Variants in ABCB5 observed in about 807,000 individuals in gnomAD.
ABCB5 encodes the protein ATP-binding cassette sub-family B member 5.
Under a neutral mutation model 144.2 loss-of-function variants are expected in ABCB5, and 155 were observed. The observed-to-expected ratio is 1.08, with a 90% CI of 0.94 to 1.23. ABCB5 has a LOEUF of 1.23. Among genes scored for constraint, ABCB5 ranks in the 50% most tolerant of loss-of-function variants. The pLI, the probability that ABCB5 is intolerant of heterozygous loss-of-function variation, is 0.00. For synonymous variants in ABCB5, 610 were observed against 528.6 expected (o/e 1.15, Z -2.11); for missense variants, 1,830 against 1,520.8 (o/e 1.20, Z -3.38).
At chr7:20,702,701 G>A (rs1234232959) in intron 19 of ABCB5, among the ~76,000 whole-genome samples, 6 of 128,034 alleles carry the variant, frequency 4.7e-5, no homozygotes, top group Non-Finnish European at 9.3e-5. Context: ...TCGCTCTGTC[G>A]CCCAGGCTGG....
chr7:20,687,681 C>G (rs1261335007), intron 16 of ABCB5, among the ~76,000 whole-genome samples: 4 of 152,164 alleles, frequency 2.6e-5, no homozygotes, highest in Non-Finnish European at 5.9e-5. Flanking sequence ...CTCTTTCAGA[C>G]TGTGGTAATC....
chr7:20,698,738 G>T (rs1211570937), intron 17 of ABCB5, among the ~76,000 whole-genome samples, 188 bp downstream of exon 17: 1 of 152,198 alleles, frequency 6.6e-6, no homozygotes, highest in Non-Finnish European at 1.5e-5. Flanking sequence ...CTTGTAAAGT[G>T]TGTGGCCGGG....
chr7:20,629,077 TAGTC>T (rs899610035), intron 4 of ABCB5, among the ~76,000 whole-genome samples: 8 of 151,122 alleles, frequency 5.3e-5, no homozygotes, highest in African/African-American at 1.7e-4. Flanking sequence ...AATCCCCTAT[TAGTC>T]AGGGTTCTCC....
chr7:20,639,359 A>C (rs1211263804), intron 5 of ABCB5, among the ~76,000 whole-genome samples: 1 of 152,126 alleles, frequency 6.6e-6, no homozygotes, highest in Non-Finnish European at 1.5e-5. Context: ...ACTTCGGTAA[A>C]GTTCAGTTCA....
rs867855026 is a variant in ABCB5, at chr7:20,753,481, C to T, written c.3551C>T (p.Ser1184Leu). 2 of 1,613,866 alleles carry T rather than the reference C, an allele frequency of 1.2e-6. No individual in the cohort carries two copies. Among genetic ancestry groups the T allele is most frequent in the East Asian group, 2.2e-5 (1 of 44,874 alleles). ...PKILLLDEAT[S>L]ALDNDSEKVV... Reference sequence around the variant, plus strand: ...ATTTTATTGTTGGATGAGGCCACTTCAGCCCTCGATAATGACAGTGAGAAG... The same window carrying T: ...ATTTTATTGTTGGATGAGGCCACTTTAGCCCTCGATAATGACAGTGAGAAG... The change falls in exon 27 of 28, where the codon TCA becomes TTA. Residue 1184 changes from serine (S) to leucine (L), a missense_variant. By Grantham distance (145) the Ser-to-Leu change is moderately radical (BLOSUM62 -2). Transcript: ENST00000404938.
chr7:20,669,330 G>T (rs1468711464), intron 14 of ABCB5, among the ~76,000 whole-genome samples: 6 of 147,124 alleles, frequency 4.1e-5, no homozygotes, highest in Admixed American at 2.0e-4. Context: ...ATGGTTGCCG[G>T]GTCTGTGTGG....
intron 20 of ABCB5, among the ~76,000 whole-genome samples, chr7:20,722,049 G>A (rs553426897): frequency 6.6e-6 from 1 of 152,128 alleles, no homozygotes; most frequent in Non-Finnish European, 1.5e-5. Context: ...CCTAGCAAAT[G>A]TGATTACAAC....
chr7:20,707,941 C>A (rs1786875362), intron 20 of ABCB5, among the ~76,000 whole-genome samples: 1 of 151,390 alleles, frequency 6.6e-6, no homozygotes, highest in Admixed American at 6.6e-5. Context: ...GTAGCTGGGA[C>A]TACAGGTGCC....
intron 15 of ABCB5, 43 bp downstream of exon 15, chr7:20,681,709 G>A (rs201258999): frequency 2.0e-4 from 314 of 1,589,420 alleles, no homozygotes; most frequent in Admixed American, 6.1e-4. Flanking sequence ...AGGGTTTAAC[G>A]TTTCAGAGAT....
At chr7:20,687,945 A>G (rs1300390998) in intron 16 of ABCB5, among the ~76,000 whole-genome samples, 2 of 152,102 alleles carry the variant, frequency 1.3e-5, no homozygotes, top group East Asian at 1.9e-4. Flanking sequence ...TAATCCCAGC[A>G]CTTTGGGAGG....
intron 5 of ABCB5, among the ~76,000 whole-genome samples, chr7:20,638,489 A>C (rs1042804379): frequency 1.3e-5 from 2 of 152,180 alleles, no homozygotes; most frequent in African/African-American, 2.4e-5. Context: ...ATCCTCCTAC[A>C]AAGATCTTCA....
At chr7:20,629,128 AAGAG>A (rs145593793) in intron 4 of ABCB5, among the ~76,000 whole-genome samples, 73 of 127,038 alleles carry the variant, frequency 5.7e-4, no homozygotes, top group Middle Eastern at 3.9e-3. Context: ...GTTAGAAACA[AAGAG>A]AGAGAGAGAC....
chr7:20,643,616 C>T lies in ABCB5; in HGVS notation c.662C>T (p.Ala221Val), dbSNP rs530929710. Residue 221 changes from alanine to valine, a missense_variant, in exon 7 of 28, where the codon GCG becomes GTG. Ala to Val is a moderately conservative substitution (Grantham distance 64). Transcript: ENST00000404938. ...LSTSPLIMASAAACSRMVISL... is the reference protein window; with the variant it reads ...LSTSPLIMASVAACSRMVISL... ...ACGTCTCCTCTTATAATGGCTTCAG[C>T]GGCAGCATGTTCTAGGGTAAGTGAG... 7.6e-5 allele frequency: 123 copies of T among 1,613,872 alleles called. No homozygotes were observed. The highest frequency in any genetic ancestry group is 6.7e-4 in the East Asian group (30 of 44,880).
At chr7:20,689,449 T>C (rs1007219669) in intron 16 of ABCB5, among the ~76,000 whole-genome samples, 17 of 152,180 alleles carry the variant, frequency 1.1e-4, no homozygotes, top group African/African-American at 3.1e-4. Context: ...TGAGCACTAC[T>C]GGAACAAGAA....
At chr7:20,632,293 T>C (rs1326195620) in intron 5 of ABCB5, among the ~76,000 whole-genome samples, 180 bp downstream of exon 5, 1 of 152,184 alleles carries the variant, frequency 6.6e-6, no homozygotes, top group Non-Finnish European at 1.5e-5. Flanking sequence ...TTTTTTCTTC[T>C]ACTTGAAAGG....
intron 14 of ABCB5, among the ~76,000 whole-genome samples, chr7:20,680,518 C>G (rs938549468): frequency 6.7e-6 from 1 of 149,888 alleles, no homozygotes; most frequent in Non-Finnish European, 1.5e-5. Context: ...TGCAGTGAGC[C>G]GAGATTGCGC....
chr7:20,655,119 A>G (rs779335621), intron 13 of ABCB5, among the ~76,000 whole-genome samples: 6 of 152,052 alleles, frequency 3.9e-5, no homozygotes, highest in Non-Finnish European at 5.9e-5. Context: ...GGCCAGTATC[A>G]GGAATGAAAG....
chr7:20,711,442 GT>G (rs1300748062), intron 20 of ABCB5, among the ~76,000 whole-genome samples: 1 of 142,320 alleles, frequency 7.0e-6, no homozygotes, highest in Non-Finnish European at 1.5e-5. Flanking sequence ...GAGGTTGACA[GT>G]TTTTTCTTTC....
Position 20,728,446 on chromosome 7 carries a change from G to C in ABCB5, c.2858G>C (p.Gly953Ala). 5 of 1,614,024 alleles carry C rather than the reference G, an allele frequency of 3.1e-6. No individual in the cohort carries two copies. The highest frequency in any genetic ancestry group is 4.2e-6 in the Non-Finnish European group (5 of 1,179,958). ...LIQAGRMTPE[G>A]MFIVFTAIAY... is the part of the protein sequence containing the mutation. ...CAAGCTGGACGAATGACCCCAGAGGGCATGTTCATGTAAGTCGTGGAAATA... is the reference window on the plus strand; with the variant it reads ...CAAGCTGGACGAATGACCCCAGAGGCCATGTTCATGTAAGTCGTGGAAATA... The change falls in exon 23 of 28, where the codon GGC (glycine) becomes GCC (alanine). Residue 953 changes from glycine (G) to alanine (A), a missense_variant. By Grantham distance (60) the Gly-to-Ala change is moderately conservative. Coordinates refer to ENST00000404938, the MANE Select transcript of ABCB5 (RefSeq NM_001163941.2).
Sources: allele counts gnomAD v4.1 joint callset (sites outside exome capture counted in the v4.1 genomes callset), GRCh38; gene constraint gnomAD v4.1.1; transcripts MANE v1.5; gene names NCBI Gene and HGNC (gene_info 2026-07-23, HGNC 2026-07-21).